Variants in LYPLAL1 observed in about 807,000 individuals in gnomAD.
LYPLAL1 encodes the protein lysophospholipase-like protein 1.
Under a neutral mutation model 19.7 loss-of-function variants are expected in LYPLAL1, and 23 were observed. The observed-to-expected ratio is 1.17, with a 90% confidence interval of 0.84 to 1.65. The LOEUF is 1.65. Ranked by LOEUF, LYPLAL1 falls within the 40% of genes most tolerant of loss-of-function variation. The pLI, the probability that LYPLAL1 is intolerant of heterozygous loss-of-function variation, is 0.00. For synonymous variants in LYPLAL1, 119 were observed against 96.3 expected, an observed-to-expected ratio of 1.24 and a Z score of -1.38; for missense variants, 355 against 279.4, an observed-to-expected ratio of 1.27 and a Z score of -1.93.
In LYPLAL1 at chr1:219,211,764, G is replaced by A; in HGVS notation, c.*36G>A. On this transcript the variant is annotated 3_prime_UTR_variant, in exon 5 of 5. Transcript: ENST00000366928. ...AGTGATTTGTTAATGTAAGTGTAATGTCTTTGTGAAAAGTGATTTTTACTG... is the reference window on the plus strand; with the variant it reads ...AGTGATTTGTTAATGTAAGTGTAATATCTTTGTGAAAAGTGATTTTTACTG... 7.2e-7 allele frequency: 1 copy of A among 1,392,782 alleles called. No individual in the cohort carries two copies. Among genetic ancestry groups the A allele is most frequent in the African/African-American group, 1.4e-5 (1 of 69,314 alleles). 86.3% of individuals were successfully genotyped at this position (1,392,782 alleles called of 1,614,324 possible). A position where few individuals can be genotyped will look rare whatever the true frequency, so the allele number is the denominator to read the frequency against.
At chr1:219,227,851 A>G in the LYPLAL1 span, among the ~76,000 whole-genome samples, 1 of 152,182 alleles carries the variant, frequency 6.6e-6, no homozygotes, top group African/African-American at 2.4e-5. Context: ...ATGCTTTGCA[A>G]CAGCATGTAA....
the LYPLAL1 span, among the ~76,000 whole-genome samples, chr1:219,340,025 A>G: frequency 6.6e-6 from 1 of 152,068 alleles, no homozygotes; most frequent in Non-Finnish European, 1.5e-5. Context: ...TAAGACTCTC[A>G]AAAGTATATG....
At chr1:219,400,253 G>C in the LYPLAL1 span, among the ~76,000 whole-genome samples, 1 of 152,044 alleles carries the variant, frequency 6.6e-6, no homozygotes, top group Non-Finnish European at 1.5e-5. Flanking sequence ...TTTGGTGGCA[G>C]CTGTTCCATG....
chr1:219,275,454 A>G, the LYPLAL1 span, among the ~76,000 whole-genome samples: 22 of 151,940 alleles, frequency 1.4e-4, no homozygotes, highest in Admixed American at 1.2e-3. Flanking sequence ...AATTTTCTAT[A>G]TATTCAGAAA....
intron 3 of LYPLAL1, among the ~76,000 whole-genome samples, chr1:219,204,764 G>A (rs1323837835): frequency 1.3e-5 from 2 of 152,142 alleles, no homozygotes; most frequent in African/African-American, 4.8e-5. Context: ...CTAATACAGA[G>A]TTGGGACTAG....
rs1268331085 is a variant in LYPLAL1, at chr1:219,173,968, C to T, written c.78C>T (p.Phe26=). ...PAGRHSASLI[F]LHGSGDSGQG... ...GGAGGCATAGCGCCTCTCTGATCTT[C>T]CTGCATGGCTCAGGTGGATTTCAAT... Residue 26 remains phenylalanine (F), a synonymous_variant, in exon 1 of 5, where the codon TTC becomes TTT. Transcript: ENST00000366928. 3 of 1,614,120 alleles carry T rather than the reference C, an allele frequency of 1.9e-6. No individual in the cohort carries two copies. The highest frequency in any genetic ancestry group is 1.7e-6 in the Non-Finnish European group (2 of 1,179,988).
At chr1:219,272,308 A>T in the LYPLAL1 span, 3 of 152,272 alleles carry the variant, frequency 2.0e-5, no homozygotes, top group Non-Finnish European at 1.5e-5. Context: ...GCCTGTGACC[A>T]GTCATTGGCT....
the LYPLAL1 span, among the ~76,000 whole-genome samples, chr1:219,442,388 AG>A: frequency 1.4e-4 from 21 of 152,206 alleles, 1 homozygote; most frequent in South Asian, 1.0e-3. Context: ...CTGGCTTTGC[AG>A]GAAAAGAAAT....
At chr1:219,217,407 TGAGA>T (rs796377685), downstream of LYPLAL1, among the ~76,000 whole-genome samples, 73 of 116,158 alleles carry the variant, frequency 6.3e-4, no homozygotes, top group Admixed American at 2.8e-3. Flanking sequence ...TGTGTGTGTG[TGAGA>T]GATGGTTGTA....
the LYPLAL1 span, among the ~76,000 whole-genome samples, chr1:219,401,058 A>G: frequency 1.3e-5 from 2 of 152,186 alleles, no homozygotes; most frequent in African/African-American, 4.8e-5. Context: ...CTTATAAATC[A>G]ATATTACATT....
At chr1:219,346,222 A>G in the LYPLAL1 span, among the ~76,000 whole-genome samples, 73 of 152,300 alleles carry the variant, frequency 4.8e-4, no homozygotes, top group South Asian at 0.015. Flanking sequence ...TTGAAAGTTT[A>G]TACAGCAAGG....
At chr1:219,384,984 G>A in the LYPLAL1 span, among the ~76,000 whole-genome samples, 5 of 152,086 alleles carry the variant, frequency 3.3e-5, no homozygotes, top group African/African-American at 1.2e-4. Flanking sequence ...AAGACTCTAC[G>A]GATCTTGGAT....
the LYPLAL1 span, among the ~76,000 whole-genome samples, chr1:219,329,352 C>A: frequency 6.6e-6 from 1 of 152,166 alleles, no homozygotes; most frequent in East Asian, 1.9e-4. Context: ...CTCTTTGATT[C>A]GTGAATTATA....
intron 2 of LYPLAL1, among the ~76,000 whole-genome samples, chr1:219,182,665 T>C (rs1466074591): frequency 2.0e-5 from 3 of 152,280 alleles, no homozygotes; most frequent in African/African-American, 7.2e-5. Context: ...TTTCTGATAT[T>C]GTCCACATTT....
the LYPLAL1 span, among the ~76,000 whole-genome samples, chr1:219,293,968 G>A: frequency 2.0e-5 from 3 of 152,182 alleles, no homozygotes; most frequent in Admixed American, 1.3e-4. Flanking sequence ...GCATAGACCT[G>A]TGTGGTCTAT....
chr1:219,260,364 T>G, the LYPLAL1 span, among the ~76,000 whole-genome samples: 1 of 151,626 alleles, frequency 6.6e-6, no homozygotes, highest in Non-Finnish European at 1.5e-5. Flanking sequence ...AGTTCCAGTA[T>G]AAATATTAGA....
At chr1:219,259,460 A>T in the LYPLAL1 span, among the ~76,000 whole-genome samples, 1 of 150,514 alleles carries the variant, frequency 6.6e-6, no homozygotes, top group Non-Finnish European at 1.5e-5. Context: ...CTACTCAACC[A>T]TATAAAGGAA....
chr1:219,351,376 CAGAG>C, the LYPLAL1 span, among the ~76,000 whole-genome samples: 1 of 151,860 alleles, frequency 6.6e-6, no homozygotes, highest in African/African-American at 2.4e-5. Flanking sequence ...AATAATAGAG[CAGAG>C]AGAGAAAGGA....
chr1:219,288,878 G>A, the LYPLAL1 span, among the ~76,000 whole-genome samples: 1 of 152,126 alleles, frequency 6.6e-6, no homozygotes, highest in Non-Finnish European at 1.5e-5. Flanking sequence ...TGTGGTAGAA[G>A]TACGCTTTAA....
Sources: gnomAD v4.1 joint callset for allele counts (sites outside exome capture counted in the v4.1 genomes callset) on GRCh38, gnomAD v4.1.1 for gene constraint, MANE v1.5 for transcripts, NCBI Gene and HGNC (gene_info 2026-07-23, HGNC 2026-07-21) for gene names.